The following NAIF1 variants were observed in gnomAD, a reference collection of about 807,000 sequenced individuals.
NAIF1 encodes nuclear apoptosis-inducing factor 1.
Under a neutral mutation model 20.7 loss-of-function variants are expected in NAIF1, and 14 were observed. That is an observed-to-expected ratio of 0.67 (90% CI 0.45 to 1.05). The LOEUF is 1.05. NAIF1 is among the 50% of genes least tolerant of loss of function. The probability of loss-of-function intolerance (pLI) is 0.00; values close to 1 mark genes in which losing one functional copy is unlikely to be tolerated. For synonymous variants in NAIF1, 191 were observed against 191.4 expected (o/e 1.00, Z 0.02); for missense variants, 362 against 448.8 (o/e 0.81, Z 1.75).
At chr9:128,064,142 G>A (rs1306588013) in intron 1 of NAIF1, among the ~76,000 whole-genome samples, 1 of 140,650 alleles carries the variant, frequency 7.1e-6, no homozygotes, top group Non-Finnish European at 1.5e-5. Flanking sequence ...AGGCGGGAGT[G>A]CTGTGGCGCG....
At chr9:128,064,260 T>C (rs938009894) in intron 1 of NAIF1, among the ~76,000 whole-genome samples, 3 of 151,490 alleles carry the variant, frequency 2.0e-5, no homozygotes, top group African/African-American at 7.3e-5. Flanking sequence ...GGCTAATTTT[T>C]TGTATTTTTA....
In NAIF1 at chr9:128,067,251, C is replaced by T. The variant is rs968293834; in HGVS notation, c.-150G>A. On this transcript the variant is annotated 5_prime_UTR_variant, in exon 1 of 2. Transcript: ENST00000373078. ...GGCCAAGCACTAGGCCTTTGGTAAC[C>T]CCCCTCGCTACGCAAAGTGCGTAGG... is the stretch of plus-strand genomic sequence containing the variant. The T allele has an allele frequency of 2.5e-4, 238 of 969,722 alleles. 4 individuals are homozygous for T. The South Asian group carries it at 3.9e-3, about 16-fold the overall frequency. The allele number at this position is 969,722 out of a possible 1,614,324, so 60.1% of individuals were successfully genotyped here. A position where few individuals can be genotyped will look rare whatever the true frequency, so the allele number is the denominator to read the frequency against.
At chr9:128,066,469 C>T in intron 1 of NAIF1, 122 bp downstream of exon 1, 1 of 1,066,324 alleles carries the variant, frequency 9.4e-7, no homozygotes, top group Non-Finnish European at 1.3e-6. Flanking sequence ...TGGAAGGCCT[C>T]ATGGTCTTCC....
chr9:128,067,266 A>C lies in NAIF1; in HGVS notation c.-165T>G. ...CTTTGGTAACCCCCCTCGCTACGCA[A>C]AGTGCGTAGGGCCCAGCCCCGACCG... On this transcript the variant is annotated 5_prime_UTR_variant, in exon 1 of 2. Coordinates refer to ENST00000373078, the MANE Select transcript of NAIF1 (RefSeq NM_197956.4). The C allele has an allele frequency of 1.2e-6, 1 of 836,828 alleles. No individual in the cohort carries two copies. Among genetic ancestry groups the C allele is most frequent in the Non-Finnish European group, 1.8e-6 (1 of 559,298 alleles). The allele number at this position is 836,828 out of a possible 1,614,324, so 51.8% of individuals were successfully genotyped here.
rs1160971159 is a variant in NAIF1, at chr9:128,061,300, G to A, written c.*2128C>T. The A allele has an allele frequency of 6.6e-6, 1 of 152,078 alleles. No individual in the cohort carries two copies. The highest frequency in any genetic ancestry group is 1.5e-5 in the Non-Finnish European group (1 of 68,020). 9.4% of individuals were successfully genotyped at this position (152,078 alleles called of 1,614,324 possible). ...CCGGAAATAACTAGTCAGTTTAAGT[G>A]ATCCAGACTTCCTCTTCATACCCAA... On this transcript the variant is annotated 3_prime_UTR_variant, in exon 2 of 2. Coordinates refer to ENST00000373078, the MANE Select transcript of NAIF1 (RefSeq NM_197956.4).
Position 128,066,966 on chromosome 9 carries a change from C to T in NAIF1, c.136G>A (p.Ala46Thr), listed in dbSNP as rs751617603. ...CTTCTCAGGATGCCGTGCCAGGCCG[C>T]ACTCTTGGCGGCCAGGGGTACCCCG... ...NAGVPLAAKS[A>T]AWHGILRRVN... Residue 46 changes from alanine to threonine, a missense_variant, in exon 1 of 2, where the codon GCG becomes ACG. This residue lies in a region of NAIF1 where 51 missense variants were observed against 68.7 expected (regional missense o/e 0.74). Transcript: ENST00000373078. The T allele has an allele frequency of 6.2e-7, 1 of 1,613,334 alleles. No individual in the cohort carries two copies.
In NAIF1 at chr9:128,062,015, CAG is replaced by C. The variant is rs1279113808; in HGVS notation, c.*1411_*1412del. On this transcript the variant is annotated 3_prime_UTR_variant, in exon 2 of 2. Coordinates refer to ENST00000373078, the MANE Select transcript of NAIF1 (RefSeq NM_197956.4). ...TTTTTTCTTTGTTTTTTTTTTGAGA[CAG>C]AGTCTCGCTCTGTCGCCAGGCTGGA... 6.6e-6 allele frequency: 1 copy of C among 151,812 alleles called. No homozygotes were observed. The highest frequency in any genetic ancestry group is 1.9e-4 in the East Asian group (1 of 5,188). The allele number at this position is 151,812 out of a possible 1,614,324, so 9.4% of individuals were successfully genotyped here. A position where few individuals can be genotyped will look rare whatever the true frequency, so the allele number is the denominator to read the frequency against.
chr9:128,066,284 G>C, intron 1 of NAIF1: 1 of 343,166 alleles, frequency 2.9e-6, no homozygotes, highest in Non-Finnish European at 5.3e-6. Context: ...GTCCTGTGGG[G>C]ATACAGACAC....
Position 128,067,267 on chromosome 9 carries a change from A to T in NAIF1, c.-166T>A. 1.2e-6 allele frequency: 1 copy of T among 829,070 alleles called. No homozygotes were observed. The highest frequency in any genetic ancestry group is 1.8e-6 in the Non-Finnish European group (1 of 552,542). 51.4% of individuals were successfully genotyped at this position (829,070 alleles called of 1,614,324 possible). ...TTTGGTAACCCCCCTCGCTACGCAA[A>T]GTGCGTAGGGCCCAGCCCCGACCGG... is the stretch of plus-strand genomic sequence containing the variant. On this transcript the variant is annotated 5_prime_UTR_variant, in exon 1 of 2. Transcript: ENST00000373078.
At position 128,067,060 on chromosome 9, in the gene NAIF1, C is replaced by T. The variant is rs774130142; in HGVS notation, c.42G>A (p.Glu14=). ...PAKKRKMNFS[E]REVEIIVEEL... is the part of the protein sequence containing the mutation. Reference sequence around the variant, plus strand: ...CCTCCACGATGATCTCCACCTCCCGCTCTGAGAAGTTCATCTTCCTTTTCT... The same window carrying T: ...CCTCCACGATGATCTCCACCTCCCGTTCTGAGAAGTTCATCTTCCTTTTCT... The change falls in exon 1 of 2, where the codon GAG becomes GAA. Residue 14 remains glutamate (E), a synonymous_variant. Transcript: ENST00000373078. 9 of 1,610,174 alleles carry T rather than the reference C, an allele frequency of 5.6e-6. No individual in the cohort carries two copies. Among genetic ancestry groups the T allele is most frequent in the Non-Finnish European group, 6.8e-6 (8 of 1,176,824 alleles).
intron 1 of NAIF1, among the ~76,000 whole-genome samples, chr9:128,065,511 G>T (rs575581874): frequency 6.6e-6 from 1 of 152,182 alleles, no homozygotes; most frequent in African/African-American, 2.4e-5. Context: ...CCCAGTCAAT[G>T]TCTCCCTGTC....
rs1358517667 is a variant in NAIF1 at position 128,067,254 on chromosome 9, C to A, written c.-153G>T. The A allele has an allele frequency of 5.3e-6, 5 of 934,606 alleles. No individual in the cohort carries two copies. Among genetic ancestry groups the A allele is most frequent in the African/African-American group, 3.3e-5 (2 of 60,456 alleles). The allele number at this position is 934,606 out of a possible 1,614,324, so 57.9% of individuals were successfully genotyped here. The stretch of plus-strand genomic sequence containing the variant: ...CAAGCACTAGGCCTTTGGTAACCCC[C>A]CTCGCTACGCAAAGTGCGTAGGGCC... On this transcript the variant is annotated 5_prime_UTR_variant, in exon 1 of 2. Coordinates refer to ENST00000373078, the MANE Select transcript of NAIF1 (RefSeq NM_197956.4).
Position 128,066,617 on chromosome 9 carries a change from G to A in NAIF1, c.485C>T (p.Ala162Val). The change falls in exon 1 of 2, where the codon GCC becomes GTC. Residue 162 changes from alanine (A) to valine (V), a missense_variant. Ala to Val is a moderately conservative substitution (Grantham distance 64). Coordinates refer to ENST00000373078, the MANE Select transcript of NAIF1 (RefSeq NM_197956.4). ...CTGTGTCAGGGTGACCGTGGCTGCG[G>A]CTGCGGTGGCCGAGGGTCCGAGGGC... ...PVALGPSATA[A>V]AATVTLTQIP... 6.5e-7 allele frequency: 1 copy of A among 1,526,752 alleles called. No individual in the cohort carries two copies. Among genetic ancestry groups the A allele is most frequent in the Non-Finnish European group, 8.8e-7 (1 of 1,135,312 alleles). 94.6% of individuals were successfully genotyped at this position (1,526,752 alleles called of 1,614,324 possible).
In NAIF1 at chr9:128,062,857, CG is replaced by C; in HGVS notation, c.*570del. 6.1e-6 allele frequency: 1 copy of C among 163,962 alleles called. No homozygotes were observed. The highest frequency in any genetic ancestry group is 1.7e-4 in the East Asian group (1 of 5,940). 10.2% of individuals were successfully genotyped at this position (163,962 alleles called of 1,614,324 possible). On this transcript the variant is annotated 3_prime_UTR_variant, in exon 2 of 2. Coordinates refer to ENST00000373078, the MANE Select transcript of NAIF1 (RefSeq NM_197956.4). ...CAGCACACTACCTAACAAGGGCCTG[CG>C]CTGTGCCTGGGGTGGGGTCGGGGGA...
intron 1 of NAIF1, among the ~76,000 whole-genome samples, chr9:128,064,800 C>T (rs959825151): frequency 2.6e-5 from 4 of 151,912 alleles, no homozygotes; most frequent in African/African-American, 9.7e-5. Flanking sequence ...GTCAGGAGTT[C>T]GAGACCAGCC....
rs573049301 is a variant in NAIF1 at position 128,063,024 on chromosome 9, C to T, written c.*404G>A. ...CCAGCATCAGTGACATTACCCTACT[C>T]GAAAGGATGGCACCTGGGGTTGGGC... On this transcript the variant is annotated 3_prime_UTR_variant, in exon 2 of 2. Transcript: ENST00000373078. The surrounding 1 kb of genome is among the most constrained non-coding windows in gnomAD (Gnocchi z 4.3). 5.7e-5 allele frequency: 12 copies of T among 212,062 alleles called. No homozygotes were observed. The highest frequency in any genetic ancestry group is 2.8e-4 in the South Asian group (3 of 10,636). 13.1% of individuals were successfully genotyped at this position (212,062 alleles called of 1,614,324 possible).
chr9:128,064,190 G>A (rs1820428609), intron 1 of NAIF1, among the ~76,000 whole-genome samples: 1 of 142,426 alleles, frequency 7.0e-6, no homozygotes, highest in South Asian at 2.3e-4. Context: ...CCGGGTTCAC[G>A]CCATTCTCCT....
At position 128,066,959 on chromosome 9, in the gene NAIF1, C is replaced by T; in HGVS notation, c.143G>A (p.Trp48Ter). Residue 48 changes from tryptophan (W) to a stop codon, truncating the protein, a stop_gained, in exon 1 of 2, where the codon TGG (tryptophan) becomes TAG (stop). Transcript: ENST00000373078. LOFTEE classifies it high-confidence loss of function. The part of the protein sequence containing the change: ...GVPLAAKSAA[W>*]HGILRRVNAV... ...GTTGACCCTTCTCAGGATGCCGTGC[C>T]AGGCCGCACTCTTGGCGGCCAGGGG... The T allele has an allele frequency of 1.2e-6, 2 of 1,613,182 alleles. No individual in the cohort carries two copies. The highest frequency in any genetic ancestry group is 1.7e-6 in the Non-Finnish European group (2 of 1,179,994).
chr9:128,065,775 A>G (rs1202436037), intron 1 of NAIF1, among the ~76,000 whole-genome samples: 2 of 152,054 alleles, frequency 1.3e-5, no homozygotes, highest in Non-Finnish European at 2.9e-5. Flanking sequence ...AAAAAATCCA[A>G]CCAAAGTTAG....
Sources: allele counts gnomAD v4.1 joint callset (sites outside exome capture counted in the v4.1 genomes callset), GRCh38; gene constraint gnomAD v4.1.1; regional missense constraint gnomAD v4.1.1; non-coding constraint Gnocchi (gnomAD v3.1); transcripts MANE v1.5; gene names NCBI Gene and HGNC (gene_info 2026-07-23, HGNC 2026-07-21).